The following LRRC72 variants were observed in gnomAD, a reference collection of about 807,000 sequenced individuals.
The protein encoded by LRRC72 is leucine rich repeat containing 72, also known as leucine-rich repeat-containing protein 72.
LRRC72 carries 41 observed loss-of-function variants against 35.8 expected under a neutral mutation model. The ratio of observed to expected loss-of-function variants is 1.15; its 90% CI spans 0.89 to 1.49. The LOEUF is 1.49. Among genes scored for constraint, LRRC72 ranks in the 40% most tolerant of loss-of-function variants. LRRC72 has a pLI of 0.00. For synonymous variants in LRRC72, 118 were observed against 119.2 expected (o/e 0.99, Z 0.07); for missense variants, 389 against 330.7 (o/e 1.18, Z -1.37).
intron 3 of LRRC72, among the ~76,000 whole-genome samples, chr7:16,553,594 CA>C (rs1292636312): frequency 6.6e-6 from 1 of 152,158 alleles, no homozygotes; most frequent in Non-Finnish European, 1.5e-5. Context: ...TCCCAGGGGG[CA>C]TTTCACAATG....
At chr7:16,550,019 G>C (rs1455236829) in intron 3 of LRRC72, among the ~76,000 whole-genome samples, 1 of 152,148 alleles carries the variant, frequency 6.6e-6, no homozygotes, top group Non-Finnish European at 1.5e-5. Flanking sequence ...AGGAGTTTAA[G>C]ACCAGTCTGA....
At chr7:16,535,222 G>T (rs952747859) in intron 2 of LRRC72, among the ~76,000 whole-genome samples, 5 of 152,118 alleles carry the variant, frequency 3.3e-5, no homozygotes, top group African/African-American at 1.2e-4. Flanking sequence ...GGAAGAGTCT[G>T]AAATACTTAG....
chr7:16,535,106 A>G (rs1053437096), intron 2 of LRRC72, among the ~76,000 whole-genome samples: 1 of 151,890 alleles, frequency 6.6e-6, no homozygotes, highest in Non-Finnish European at 1.5e-5. Flanking sequence ...GGAGGATCGC[A>G]TGAACCTAGG....
intron 3 of LRRC72, among the ~76,000 whole-genome samples, chr7:16,545,775 C>T (rs1358444911): frequency 6.6e-6 from 1 of 152,000 alleles, no homozygotes; most frequent in African/African-American, 2.4e-5. Context: ...AACTAAATAA[C>T]ACTTCACTGC....
chr7:16,533,667 TATAA>T (rs1468182897), intron 2 of LRRC72, among the ~76,000 whole-genome samples: 1 of 152,134 alleles, frequency 6.6e-6, no homozygotes, highest in African/African-American at 2.4e-5. Flanking sequence ...TTTATTTTAT[TATAA>T]ATAAATATGT....
At chr7:16,528,654 A>T (rs1782113794) in intron 1 of LRRC72, among the ~76,000 whole-genome samples, 1 of 152,130 alleles carries the variant, frequency 6.6e-6, no homozygotes, top group African/African-American at 2.4e-5. Flanking sequence ...TCCCAGAGGC[A>T]GTCTTGCTTC....
intron 4 of LRRC72, 45 bp from the exon 5 acceptor site, chr7:16,558,844 G>T: frequency 8.2e-7 from 1 of 1,220,318 alleles, no homozygotes; most frequent in South Asian, 2.0e-5. Context: ...AAAATAAACT[G>T]AAAAAAATGT....
At chr7:16,531,157 T>C (rs1392848722) in intron 1 of LRRC72, among the ~76,000 whole-genome samples, 1 of 147,842 alleles carries the variant, frequency 6.8e-6, no homozygotes, top group Admixed American at 6.9e-5. Context: ...TACTCCAGCC[T>C]GGGCAACAGA....
intron 7 of LRRC72, among the ~76,000 whole-genome samples, chr7:16,570,285 T>C (rs1019629406): frequency 6.6e-6 from 1 of 152,160 alleles, no homozygotes; most frequent in Non-Finnish European, 1.5e-5. Flanking sequence ...AAATAATGTA[T>C]TGTGGGGGTT....
At chr7:16,570,520 T>G (rs1026565671) in intron 7 of LRRC72, among the ~76,000 whole-genome samples, 5 of 152,180 alleles carry the variant, frequency 3.3e-5, no homozygotes, top group Non-Finnish European at 5.9e-5. Context: ...TTTGTTTATA[T>G]TACTTAAAAT....
rs560996608 is a variant in LRRC72 at position 16,552,787 on chromosome 7, A to G, written c.235-4573A>G. Among the ~76,000 whole-genome samples the G allele has an allele frequency of 2.2e-3, 337 of 152,286 alleles. 2 individuals are homozygous for G. The highest frequency in any genetic ancestry group is 7.9e-3 in the African/African-American group (327 of 41,546). ...GTAGAACAAGGCAGGCCAGGGCTCA[A>G]ACCAAGTCTGAGAATGAGCTGCGCT... is the stretch of plus-strand genomic sequence containing the variant. On this transcript the variant is annotated intron_variant, in intron 3 of 8. Transcript: ENST00000401542.
intron 7 of LRRC72, among the ~76,000 whole-genome samples, chr7:16,569,710 G>T (rs545180656): frequency 1.3e-5 from 2 of 151,750 alleles, no homozygotes; most frequent in Non-Finnish European, 2.9e-5. Context: ...AGAGAGGAAG[G>T]GAAGGGAAGG....
At chr7:16,580,876 A>G (rs1444384824) in intron 8 of LRRC72, among the ~76,000 whole-genome samples, 1 of 151,916 alleles carries the variant, frequency 6.6e-6, no homozygotes, top group African/African-American at 2.4e-5. Flanking sequence ...TTCTTTTTTT[A>G]TTTTTTCACT....
At chr7:16,575,301 T>A (rs539084428) in intron 7 of LRRC72, among the ~76,000 whole-genome samples, 1 of 152,092 alleles carries the variant, frequency 6.6e-6, no homozygotes, top group East Asian at 1.9e-4. Flanking sequence ...AAGGGTATGG[T>A]CCCCAATCCA....
At chr7:16,540,138 AC>A (rs1260241380) in intron 3 of LRRC72, among the ~76,000 whole-genome samples, 1 of 152,290 alleles carries the variant, frequency 6.6e-6, no homozygotes, top group East Asian at 1.9e-4. Flanking sequence ...TGGGGGTTGT[AC>A]CCTGAAAAAC....
intron 3 of LRRC72, among the ~76,000 whole-genome samples, chr7:16,547,196 A>C (rs1782458396): frequency 6.6e-6 from 1 of 152,122 alleles, no homozygotes; most frequent in Non-Finnish European, 1.5e-5. Flanking sequence ...GGAGGTGGAA[A>C]GGCCCTGGAG....
At chr7:16,527,101 C>T (rs1179186271) in intron 1 of LRRC72, 59 bp downstream of exon 1, 1 of 1,375,268 alleles carries the variant, frequency 7.3e-7, no homozygotes, top group Non-Finnish European at 1.0e-6. Context: ...CCCAGGGCCC[C>T]ACCTCCTGCC....
At chr7:16,559,744 T>A (rs949430178) in intron 5 of LRRC72, among the ~76,000 whole-genome samples, 10 of 151,980 alleles carry the variant, frequency 6.6e-5, no homozygotes, top group Admixed American at 3.9e-4. Context: ...TGTGGGGTTA[T>A]TTTGGGGGTG....
chr7:16,566,242 T>TG, intron 5 of LRRC72, 71 bp from the exon 6 acceptor site: 1 of 950,960 alleles, frequency 1.1e-6, no homozygotes, highest in Non-Finnish European at 1.5e-6. Flanking sequence ...CTTAATTTTT[T>TG]GTATTTTATA....
Sources: allele counts gnomAD v4.1 joint callset (sites outside exome capture counted in the v4.1 genomes callset), GRCh38; gene constraint gnomAD v4.1.1; transcripts MANE v1.5; gene names NCBI Gene and HGNC (gene_info 2026-07-23, HGNC 2026-07-21).